The following NMRK2 variants were observed in gnomAD, a reference collection of about 807,000 sequenced individuals.
The protein encoded by NMRK2 is NRK 2.
NMRK2 carries 34 observed loss-of-function variants against 24.7 expected under a neutral mutation model. That is an observed-to-expected ratio of 1.37 (90% confidence interval 1.05 to 1.83). NMRK2 has a LOEUF of 1.83. NMRK2 is among the 40% of genes most tolerant of loss of function. The pLI is 0.00. For missense variants in NMRK2, 341 were observed against 315.0 expected (o/e 1.08, Z -0.62); for synonymous variants, 145 against 125.6 (o/e 1.15, Z -1.03).
rs1022604453 is a variant in NMRK2 at position 3,933,435 on chromosome 19, T to G, written c.-214-23T>G. ...GGCAGCCCCCTGCCCGGCCAGCTCG[T>G]GACTAATTTAGGCAAAAGGCAGCCT... On this transcript the variant is annotated intron_variant, in intron 1 of 7. Transcript: ENST00000168977. The G allele has an allele frequency of 1.9e-4, 94 of 502,932 alleles. 2 individuals carry two copies. Among genetic ancestry groups the G allele is most frequent in the African/African-American group, 1.8e-3 (86 of 48,986 alleles). The allele number at this position is 502,932 out of a possible 1,614,324, so 31.2% of individuals were successfully genotyped here.
At chr19:3,938,925 T>C (rs1362910807) in intron 5 of NMRK2, among the ~76,000 whole-genome samples, 166 bp downstream of exon 5, 1 of 140,414 alleles carries the variant, frequency 7.1e-6, no homozygotes, top group Non-Finnish European at 1.5e-5. Context: ...CCTGACTCAC[T>C]GCAACCTCTG....
chr19:3,935,041 A>T (rs1463746481), intron 2 of NMRK2, among the ~76,000 whole-genome samples: 1 of 151,916 alleles, frequency 6.6e-6, no homozygotes, highest in African/African-American at 2.4e-5. Context: ...CTTACATTTT[A>T]AAAATTGGGT....
chr19:3,942,342 C>A lies in NMRK2; in HGVS notation c.*69C>A. ...CCACTCCCAGTTGGGCGTCCCGGAG[C>A]TCAGGGACTGAGCCCCAAGACGCCT... On this transcript the variant is annotated 3_prime_UTR_variant, in exon 8 of 8. Transcript: ENST00000168977. 6.9e-7 allele frequency: 1 copy of A among 1,444,022 alleles called. No individual in the cohort carries two copies. Among genetic ancestry groups the A allele is most frequent in the Non-Finnish European group, 9.4e-7 (1 of 1,069,356 alleles). 89.5% of individuals were successfully genotyped at this position (1,444,022 alleles called of 1,614,324 possible).
At position 3,941,055 on chromosome 19, in the gene NMRK2, C is replaced by T; in HGVS notation, c.396-16C>T. On this transcript the variant is annotated splice_polypyrimidine_tract_variant and intron_variant, in intron 6 of 7. Transcript: ENST00000168977. The stretch of plus-strand genomic sequence containing the variant: ...CCTTCTGTGCTCTAAGCCATCCTTG[C>T]CTTCTCCCTCTGCAGTACCCGCAAC... The T allele has an allele frequency of 6.4e-7, 1 of 1,564,724 alleles. No individual in the cohort carries two copies. Among genetic ancestry groups the T allele is most frequent in the East Asian group, 2.2e-5 (1 of 44,484 alleles).
chr19:3,939,810 T>C, intron 5 of NMRK2, 90 bp from the exon 6 acceptor site: 1 of 1,218,696 alleles, frequency 8.2e-7, no homozygotes, highest in Non-Finnish European at 1.2e-6. Flanking sequence ...CTCGCCACCC[T>C]CTGAAAGCCA....
chr19:3,936,172 T>C (rs796378312), intron 2 of NMRK2, among the ~76,000 whole-genome samples: 7 of 148,204 alleles, frequency 4.7e-5, no homozygotes, highest in Admixed American at 6.9e-5. Context: ...GATTGCGCCA[T>C]TGTACTCCAG....
In NMRK2 at chr19:3,936,572, C is replaced by T. The variant is rs1275352419; in HGVS notation, c.27-3C>T. On this transcript the variant is annotated splice_polypyrimidine_tract_variant and splice_region_variant and intron_variant, in intron 2 of 7. Transcript: ENST00000168977. ...CAGTCTCATGCACACGCTGTCTCCC[C>T]AGCATGACCAACGGCGGCAAGACCA... The T allele has an allele frequency of 2.6e-6, 4 of 1,549,366 alleles. No individual in the cohort carries two copies. The highest frequency in any genetic ancestry group is 3.5e-6 in the Non-Finnish European group (4 of 1,149,534).
intron 4 of NMRK2, 83 bp downstream of exon 4, chr19:3,937,371 C>T: frequency 1.5e-6 from 1 of 652,308 alleles, no homozygotes; most frequent in East Asian, 2.8e-5. Flanking sequence ...CACTATTCCC[C>T]CGGGGTCCGC....
At chr19:3,933,804 C>A (rs75658866) in intron 2 of NMRK2, 107 bp downstream of exon 2, 20,446 of 1,135,898 alleles carry the variant, frequency 0.018, 219 homozygotes, top group Non-Finnish European at 0.021. Context: ...CCTGAGGTCA[C>A]CTACACGCCG....
At chr19:3,937,054 G>A (rs2039226254) in intron 3 of NMRK2, among the ~76,000 whole-genome samples, 186 bp from the exon 4 acceptor site, 1 of 152,002 alleles carries the variant, frequency 6.6e-6, no homozygotes, top group African/African-American at 2.4e-5. Flanking sequence ...CGCTGTGTGG[G>A]TGTGGGTGGG....
rs773464045 is a variant in NMRK2, at chr19:3,941,204, TGCCCCG to T, written c.502+29_502+34del. On this transcript the variant is annotated intron_variant, in intron 7 of 7. Coordinates refer to ENST00000168977, the MANE Select transcript of NMRK2 (RefSeq NM_170678.3). ...TAAGCCCCTGAGCATGACCAGGCCT[TGCCCCG>T]GGCGGGCGGGGGGGACCCTGGGCCC... is the stretch of plus-strand genomic sequence containing the variant. 6.3e-6 allele frequency: 4 copies of T among 636,116 alleles called. No individual in the cohort carries two copies. The East Asian group carries it at 2.2e-4, about 35-fold the overall frequency. 39.4% of individuals were successfully genotyped at this position (636,116 alleles called of 1,614,324 possible). A position where few individuals can be genotyped will look rare whatever the true frequency, so the allele number is the denominator to read the frequency against.
At position 3,938,652 on chromosome 19, in the gene NMRK2, G is replaced by A; in HGVS notation, c.216G>A (p.Trp72Ter). Residue 72 changes from tryptophan to a stop codon, truncating the protein, a stop_gained, in exon 5 of 8, where the codon TGG (tryptophan) becomes TGA (stop). Transcript: ENST00000168977. LOFTEE classifies it high-confidence loss of function. The part of the protein sequence containing the change: ...MEAMLDTVQA[W>*]LSSPQKFARA... Reference sequence around the variant, plus strand: ...CCATGCTGGACACCGTGCAGGCCTGGCTGAGCAGCCCGCAGAAGTTTGCCC... The same window carrying A: ...CCATGCTGGACACCGTGCAGGCCTGACTGAGCAGCCCGCAGAAGTTTGCCC... 1 of 1,611,434 alleles carries A rather than the reference G, an allele frequency of 6.2e-7. No homozygotes were observed. The highest frequency in any genetic ancestry group is 8.5e-7 in the Non-Finnish European group (1 of 1,178,772).
intron 6 of NMRK2, among the ~76,000 whole-genome samples, chr19:3,940,595 C>T (rs1403350051): frequency 6.6e-6 from 1 of 151,770 alleles, no homozygotes; most frequent in African/African-American, 2.4e-5. Flanking sequence ...ATTAGCCAGG[C>T]ATGGTGGCGG....
chr19:3,940,400 C>G (rs2039310719), intron 6 of NMRK2, among the ~76,000 whole-genome samples: 1 of 145,866 alleles, frequency 6.9e-6, no homozygotes, highest in African/African-American at 2.5e-5. Context: ...AATCCCAGCA[C>G]TTTGGGAGGC....
chr19:3,942,052 G>C, intron 7 of NMRK2, 31 bp from the exon 8 acceptor site: 1 of 1,600,332 alleles, frequency 6.2e-7, no homozygotes. Context: ...CCTTCCTCCC[G>C]GCAGCCCTGA....
rs996945584 is a variant in NMRK2, at chr19:3,936,584, C to T, written c.36C>T (p.Asn12=). 6.3e-5 allele frequency: 98 copies of T among 1,557,574 alleles called. No individual in the cohort carries two copies. Among genetic ancestry groups the T allele is most frequent in the Middle Eastern group, 3.3e-4 (2 of 6,002 alleles). Residue 12 remains asparagine, a synonymous_variant, in exon 3 of 8, where the codon AAC becomes AAT. Coordinates refer to ENST00000168977, the MANE Select transcript of NMRK2 (RefSeq NM_170678.3). Reference sequence around the variant, plus strand: ...CACGCTGTCTCCCCAGCATGACCAACGGCGGCAAGACCACGCTGACCAACA... The same window carrying T: ...CACGCTGTCTCCCCAGCATGACCAATGGCGGCAAGACCACGCTGACCAACA... ...KLIVGIGGMT[N]GGKTTLTNSL... is the part of the protein sequence containing the mutation.
rs956707442 is a variant in NMRK2 at position 3,941,614 on chromosome 19, C to T, written c.502+437C>T. Among the ~76,000 whole-genome samples, 6 of 151,766 alleles carry T rather than the reference C, an allele frequency of 4.0e-5. No homozygotes were observed. In the South Asian group the frequency reaches 6.3e-4, roughly 16 times the overall value. ...ACCTTTGGAAACCTGGACATTCCTC[C>T]GTGAGCCTCGCCCCCAGTCCCTCTT... On this transcript the variant is annotated intron_variant, in intron 7 of 7. Coordinates refer to ENST00000168977, the MANE Select transcript of NMRK2 (RefSeq NM_170678.3).
At chr19:3,941,617 G>A (rs1479938800) in intron 7 of NMRK2, among the ~76,000 whole-genome samples, 1 of 151,454 alleles carries the variant, frequency 6.6e-6, no homozygotes, top group African/African-American at 2.4e-5. Flanking sequence ...ATTCCTCCGT[G>A]AGCCTCGCCC....
Position 3,936,221 on chromosome 19 carries a change from AAAAG to A in NMRK2, c.27-346_27-343del, listed in dbSNP as rs546223706. On this transcript the variant is annotated intron_variant, in intron 2 of 7. Transcript: ENST00000168977. ...GTGAAACTCCGTCTCGGAAAAAAAA[AAAAG>A]AAAGAAACCCTGTCTCTACTAAAAA... 6.1e-3 allele frequency among the ~76,000 whole-genome samples: 913 copies of A among 150,250 alleles called. 10 individuals are homozygous for A. Among genetic ancestry groups the A allele is most frequent in the African/African-American group, 0.017 (704 of 41,134 alleles).
Sources: gnomAD v4.1 joint callset for allele counts (sites outside exome capture counted in the v4.1 genomes callset) on GRCh38, gnomAD v4.1.1 for gene constraint, MANE v1.5 for transcripts, NCBI Gene and HGNC (gene_info 2026-07-23, HGNC 2026-07-21) for gene names.